Variants in SHISA9 observed in about 807,000 individuals in gnomAD.
The protein encoded by SHISA9 is shisa family member 9, also known as protein shisa-9.
In SHISA9, 13 loss-of-function variants were observed where a neutral mutation model predicts 38.0. That is an observed-to-expected ratio of 0.34 (90% CI 0.22 to 0.54). The LOEUF is 0.54. SHISA9 is among the 20% of genes least tolerant of loss of function. SHISA9 has a pLI of 0.91. For synonymous variants in SHISA9, 275 were observed against 242.0 expected (o/e 1.14, Z -1.27); for missense variants, 538 against 575.8 (o/e 0.93, Z 0.67).
the SHISA9 span, among the ~76,000 whole-genome samples, chr16:13,285,533 T>G: frequency 6.7e-6 from 1 of 150,184 alleles, no homozygotes; most frequent in Non-Finnish European, 1.5e-5. Flanking sequence ...CTTTAACGTA[T>G]GTGGGTGGAA....
chr16:12,978,234 T>C (rs1217515626), intron 2 of SHISA9, among the ~76,000 whole-genome samples: 1 of 152,190 alleles, frequency 6.6e-6, no homozygotes, highest in African/African-American at 2.4e-5. Context: ...ACTGACATGG[T>C]ATAGAATCAT....
intron 2 of SHISA9, among the ~76,000 whole-genome samples, chr16:13,107,279 C>T (rs973516009): frequency 6.6e-6 from 1 of 151,692 alleles, no homozygotes; most frequent in Admixed American, 6.6e-5. Context: ...TAAAAAAATA[C>T]AAAAAATCAG....
the SHISA9 span, among the ~76,000 whole-genome samples, chr16:13,368,575 G>A: frequency 1.3e-5 from 2 of 152,032 alleles, no homozygotes; most frequent in East Asian, 3.9e-4. Context: ...TAGATTGAGA[G>A]AAGACCTTTA....
the SHISA9 span, among the ~76,000 whole-genome samples, chr16:13,300,922 CCTT>C: frequency 4.0e-5 from 6 of 149,260 alleles, no homozygotes; most frequent in Middle Eastern, 6.8e-3. Context: ...CCCACCTCCT[CCTT>C]CTTCTTTCTT....
chr16:13,299,710 C>CA, the SHISA9 span, among the ~76,000 whole-genome samples: 41,580 of 117,996 alleles, frequency 0.35, 6,529 homozygotes, highest in Admixed American at 0.48. Context: ...GAGCCTCTGT[C>CA]AAAAAAAAAA....
chr16:12,997,646 T>G (rs1027153767), intron 2 of SHISA9, among the ~76,000 whole-genome samples: 41 of 152,094 alleles, frequency 2.7e-4, no homozygotes, highest in Non-Finnish European at 7.4e-5. Context: ...CCTCAGGTGA[T>G]CTGCCCACCT....
In SHISA9 at chr16:13,237,376, C is replaced by T. The variant is rs1330168556; in HGVS notation, c.*1967C>T. 1 of 152,078 alleles carries T rather than the reference C, an allele frequency of 6.6e-6. No homozygotes were observed. The highest frequency in any genetic ancestry group is 2.1e-4 in the South Asian group (1 of 4,812). 9.4% of individuals were successfully genotyped at this position (152,078 alleles called of 1,614,324 possible). On this transcript the variant is annotated 3_prime_UTR_variant, in exon 5 of 5. Coordinates refer to ENST00000558583, the MANE Select transcript of SHISA9 (RefSeq NM_001145204.3). ...CTCTACCTGTTTTTAAAAATGAGAT[C>T]TTTTGACCAGGCACAGTGGCTCACA...
chr16:13,534,483 C>T, the SHISA9 span, among the ~76,000 whole-genome samples: 1 of 152,158 alleles, frequency 6.6e-6, no homozygotes, highest in South Asian at 2.1e-4. Flanking sequence ...CCTTGGCCTC[C>T]CAAAGTGCTG....
In SHISA9 at chr16:13,235,246, GGGACCCCA is replaced by G. The variant is rs758129995; in HGVS notation, c.1113_1120del (p.Trp371Ter). On this transcript the variant is annotated stop_gained and frameshift_variant, in exon 5 of 5. Coordinates refer to ENST00000558583, the MANE Select transcript of SHISA9 (RefSeq NM_001145204.3). LOFTEE classifies it high-confidence loss of function. Reference sequence around the variant, plus strand: ...ACCTCTACCACCAACTTTAAGGGCTGGGACCCCAACGAGCAGTCCCTCCGGCGGCAGGC... The same window carrying G: ...ACCTCTACCACCAACTTTAAGGGCTGACGAGCAGTCCCTCCGGCGGCAGGC... 1 of 1,551,678 alleles carries G rather than the reference GGGACCCCA, an allele frequency of 6.4e-7. No individual in the cohort carries two copies.
At chr16:13,457,662 C>T in the SHISA9 span, among the ~76,000 whole-genome samples, 5 of 151,626 alleles carry the variant, frequency 3.3e-5, no homozygotes, top group African/African-American at 7.3e-5. Flanking sequence ...TTTTACCATC[C>T]GTAAGATTAA....
the SHISA9 span, among the ~76,000 whole-genome samples, chr16:13,298,528 A>T: frequency 1.3e-5 from 2 of 152,120 alleles, no homozygotes; most frequent in Non-Finnish European, 2.9e-5. Flanking sequence ...TATTGTGTAG[A>T]GGAGGAAATC....
At chr16:12,905,413 C>G (rs2141705014) in intron 1 of SHISA9, among the ~76,000 whole-genome samples, 1 of 152,134 alleles carries the variant, frequency 6.6e-6, no homozygotes, top group South Asian at 2.1e-4. Context: ...TCAATAGGTT[C>G]TGGGTGGGCC....
chr16:13,184,494 TA>T (rs2050803859), intron 2 of SHISA9, among the ~76,000 whole-genome samples: 1 of 152,246 alleles, frequency 6.6e-6, no homozygotes, highest in African/African-American at 2.4e-5. Context: ...TTACATACAG[TA>T]AAATTCATTC....
At chr16:13,346,152 C>G in the SHISA9 span, among the ~76,000 whole-genome samples, 4 of 152,292 alleles carry the variant, frequency 2.6e-5, no homozygotes, top group African/African-American at 9.6e-5. Context: ...GTCTATCATT[C>G]CATGCTCCAT....
At chr16:13,286,516 A>G in the SHISA9 span, among the ~76,000 whole-genome samples, 1 of 152,192 alleles carries the variant, frequency 6.6e-6, no homozygotes, top group East Asian at 1.9e-4. Context: ...GAGTGAACCA[A>G]TTGTCTGGGC....
chr16:13,082,498 A>G (rs1022260946), intron 2 of SHISA9: 1 of 152,168 alleles, frequency 6.6e-6, no homozygotes, highest in African/African-American at 2.4e-5. Context: ...TTCACAGAAG[A>G]GAGAGTGTCT....
In SHISA9 at chr16:13,032,004, CT is replaced by C. The variant is rs200868558; in HGVS notation, c.691+115201del. 5.4e-3 allele frequency among the ~76,000 whole-genome samples: 794 copies of C among 147,370 alleles called. 10 individuals are homozygous for C. The highest frequency in any genetic ancestry group is 0.035 in the South Asian group (163 of 4,626). On this transcript the variant is annotated intron_variant, in intron 2 of 4. Transcript: ENST00000558583. ...TTGCAACTGTCTATCCAACTTTCAA[CT>C]TTTTTTTTTTTCAAATTTTACTTTA...
chr16:12,929,015 C>T (rs1361263029), intron 2 of SHISA9, among the ~76,000 whole-genome samples: 4 of 152,150 alleles, frequency 2.6e-5, no homozygotes, highest in African/African-American at 4.8e-5. Context: ...AGAAGACATA[C>T]ATGTGGCCAA....
intron 1 of SHISA9, chr16:12,908,851 G>C (rs2071141746): frequency 8.6e-7 from 1 of 1,166,702 alleles, no homozygotes; most frequent in Non-Finnish European, 1.1e-6. Flanking sequence ...GAAGCCAGTA[G>C]GGAACACATG....
Sources: allele counts gnomAD v4.1 joint callset (sites outside exome capture counted in the v4.1 genomes callset), GRCh38; gene constraint gnomAD v4.1.1; transcripts MANE v1.5; gene names NCBI Gene and HGNC (gene_info 2026-07-23, HGNC 2026-07-21).